The following ZBTB44 variants were observed in gnomAD, a reference collection of about 807,000 sequenced individuals.
ZBTB44 encodes the protein zinc finger and BTB domain-containing protein 44.
A neutral mutation model predicts 54.0 loss-of-function variants in ZBTB44; 15 were observed. That is an observed-to-expected ratio of 0.28 (90% CI 0.19 to 0.43). The LOEUF (loss-of-function observed/expected upper bound fraction) is 0.43, where lower values mean the gene tolerates loss of function less well. Among genes scored for constraint, ZBTB44 ranks in the 20% least tolerant of loss-of-function variants. The pLI, the probability that ZBTB44 is intolerant of heterozygous loss-of-function variation, is 1.00. For synonymous variants in ZBTB44, 230 were observed against 250.1 expected, an observed-to-expected ratio of 0.92 and a Z score of 0.76; for missense variants, 487 against 707.1, an observed-to-expected ratio of 0.69 and a Z score of 3.53.
intron 3 of ZBTB44, chr11:130,239,119 GACAGGACTTA>G (rs1389883124): frequency 2.0e-5 from 3 of 152,696 alleles, no homozygotes; most frequent in Non-Finnish European, 2.9e-5. Flanking sequence ...AGGCAGAGTT[GACAGGACTTA>G]AGGATTAACT....
At chr11:130,288,927 G>A (rs917900855) in intron 1 of ZBTB44, among the ~76,000 whole-genome samples, 1 of 151,158 alleles carries the variant, frequency 6.6e-6, no homozygotes, top group African/African-American at 2.4e-5. Context: ...AGAAAATGAG[G>A]ACATGGTTAG....
chr11:130,304,698 C>T (rs1942173615), intron 1 of ZBTB44, among the ~76,000 whole-genome samples: 1 of 151,944 alleles, frequency 6.6e-6, no homozygotes. Flanking sequence ...AGAAATGATC[C>T]CTGAAAGTAC....
At chr11:130,299,890 C>T (rs1157565763) in intron 1 of ZBTB44, among the ~76,000 whole-genome samples, 1 of 152,044 alleles carries the variant, frequency 6.6e-6, no homozygotes, top group African/African-American at 2.4e-5. Flanking sequence ...TCACAACAGC[C>T]AAAAGGTAGA....
At position 130,236,229 on chromosome 11, in the gene ZBTB44, A is replaced by G. The variant is rs780476976; in HGVS notation, c.1568+564T>C. On this transcript the variant is annotated intron_variant, in intron 5 of 7. Transcript: ENST00000357899. ...TTCCTGGGATGCCCTATAAATCAGA[A>G]AGGTAATTCTATTATAAATTAATAT... The G allele has an allele frequency of 3.1e-6, 4 of 1,281,528 alleles. No individual in the cohort carries two copies. The South Asian group carries it at 3.7e-5, about 12-fold the overall frequency. The allele number at this position is 1,281,528 out of a possible 1,614,324, so 79.4% of individuals were successfully genotyped here.
chr11:130,291,041 G>C (rs1480277049), intron 1 of ZBTB44, among the ~76,000 whole-genome samples: 4 of 151,920 alleles, frequency 2.6e-5, no homozygotes, highest in Non-Finnish European at 4.4e-5. Flanking sequence ...CCCAGCTCTG[G>C]TCCCTTTTTG....
intron 1 of ZBTB44, among the ~76,000 whole-genome samples, chr11:130,291,797 T>C (rs902147686): frequency 1.1e-4 from 17 of 152,224 alleles, no homozygotes; most frequent in Admixed American, 1.1e-3. Flanking sequence ...AAAAATCACT[T>C]TATGAATGCT....
At chr11:130,288,078 A>G (rs976441163) in intron 1 of ZBTB44, among the ~76,000 whole-genome samples, 2 of 152,184 alleles carry the variant, frequency 1.3e-5, no homozygotes, top group Non-Finnish European at 2.9e-5. Flanking sequence ...AGTCTGTTAC[A>G]GTATCACACT....
chr11:130,234,997 G>A (rs1487008398), intron 5 of ZBTB44, among the ~76,000 whole-genome samples: 1 of 152,090 alleles, frequency 6.6e-6, no homozygotes, highest in Non-Finnish European at 1.5e-5. Flanking sequence ...ATACTTTTCT[G>A]TATTTCCTAA....
rs549550751 is a variant in ZBTB44, at chr11:130,280,328, G to A, written c.-56-18399C>T. Among the ~76,000 whole-genome samples the A allele has an allele frequency of 1.2e-4, 19 of 152,316 alleles. No homozygotes were observed. The South Asian group carries it at 3.3e-3, about 27-fold the overall frequency. On this transcript the variant is annotated intron_variant, in intron 1 of 7. Transcript: ENST00000357899. ...TCAAACATATCTTAGGTACGTTAAAGGGGAAAGGTTGGAAAAGAATACATA... is the reference window on the plus strand; with the variant it reads ...TCAAACATATCTTAGGTACGTTAAAAGGGAAAGGTTGGAAAAGAATACATA...
At chr11:130,286,394 G>T (rs1168262859) in intron 1 of ZBTB44, among the ~76,000 whole-genome samples, 4 of 151,970 alleles carry the variant, frequency 2.6e-5, no homozygotes, top group African/African-American at 9.7e-5. Context: ...CTATTAATTT[G>T]AATAGTCTCT....
chr11:130,267,340 A>G (rs1264503332), intron 1 of ZBTB44, among the ~76,000 whole-genome samples: 1 of 152,152 alleles, frequency 6.6e-6, no homozygotes, highest in Non-Finnish European at 1.5e-5. Flanking sequence ...TCATAGCATA[A>G]AAGTGCAAGG....
At chr11:130,272,061 C>G (rs948121708) in intron 1 of ZBTB44, among the ~76,000 whole-genome samples, 2 of 151,976 alleles carry the variant, frequency 1.3e-5, no homozygotes, top group African/African-American at 4.8e-5. Flanking sequence ...GAAGCCCGAA[C>G]TCTACTAAAA....
At chr11:130,295,503 A>C (rs1220989306) in intron 1 of ZBTB44, 14 of 697,338 alleles carry the variant, frequency 2.0e-5, no homozygotes, top group South Asian at 2.9e-5. Flanking sequence ...ACAGAAAATA[A>C]CGTAGAGAAG....
At chr11:130,258,747 C>A (rs1938626689) in intron 2 of ZBTB44, among the ~76,000 whole-genome samples, 1 of 152,148 alleles carries the variant, frequency 6.6e-6, no homozygotes, top group Admixed American at 6.5e-5. Flanking sequence ...CAAAGCATTG[C>A]CCCTTTCTAG....
chr11:130,234,411 G>A, intron 5 of ZBTB44, 138 bp from the exon 6 acceptor site: 3 of 1,019,112 alleles, frequency 2.9e-6, no homozygotes, highest in East Asian at 3.0e-5. Context: ...TTAAAACTCA[G>A]GAACTTTCAA....
intron 1 of ZBTB44, among the ~76,000 whole-genome samples, chr11:130,309,572 G>C (rs1942469421): frequency 6.6e-6 from 1 of 152,138 alleles, no homozygotes; most frequent in South Asian, 2.1e-4. Flanking sequence ...ATTTATGCCA[G>C]TTTTGTTGTA....
rs771756069 is a variant in ZBTB44 at position 130,242,922 on chromosome 11, GTGTC to G, written c.1019-3030_1019-3027del. On this transcript the variant is annotated intron_variant, in intron 2 of 7. Transcript: ENST00000357899. ...CTTTGCTACTGCAGTTTCCACCACT[GTGTC>G]TCTCTCTGTGTAGCACTGAAGTAAT... Among the ~76,000 whole-genome samples, 3 of 152,078 alleles carry G rather than the reference GTGTC, an allele frequency of 2.0e-5. No individual in the cohort carries two copies. The East Asian group carries it at 5.8e-4, about 29-fold the overall frequency.
At chr11:130,270,554 A>T (rs540671299) in intron 1 of ZBTB44, among the ~76,000 whole-genome samples, 1 of 152,318 alleles carries the variant, frequency 6.6e-6, no homozygotes, top group East Asian at 1.9e-4. Context: ...CAGACCTACA[A>T]TCTTCTTCAA....
At chr11:130,278,550 A>G (rs542462801) in intron 1 of ZBTB44, among the ~76,000 whole-genome samples, 45 of 152,164 alleles carry the variant, frequency 3.0e-4, no homozygotes, top group African/African-American at 1.0e-3. Flanking sequence ...CTCTCCTTCC[A>G]GAACTCCCAT....
Sources: allele counts gnomAD v4.1 joint callset (sites outside exome capture counted in the v4.1 genomes callset), GRCh38; gene constraint gnomAD v4.1.1; transcripts MANE v1.5; gene names NCBI Gene and HGNC (gene_info 2026-07-23, HGNC 2026-07-21).